MBD5: variants seen among roughly 807,000 people sequenced by gnomAD.
MBD5 encodes methyl-CpG-binding domain protein 5.
A neutral mutation model predicts 117.3 loss-of-function variants in MBD5; 13 were observed. The ratio of observed to expected loss-of-function variants is 0.11; its 90% CI spans 0.07 to 0.18. The LOEUF (loss-of-function observed/expected upper bound fraction) is 0.18, where lower values mean the gene tolerates loss of function less well. MBD5 is among the 10% of genes least tolerant of loss of function. MBD5 has a pLI of 1.00. For synonymous variants in MBD5, 727 were observed against 766.4 expected (o/e 0.95, Z 0.85); for missense variants, 1,879 against 2,093.8 (o/e 0.90, Z 2.00).
intron 1 of MBD5, among the ~76,000 whole-genome samples, chr2:148,123,606 A>G (rs1696819943): frequency 6.6e-6 from 1 of 152,182 alleles, no homozygotes; most frequent in African/African-American, 2.4e-5. Flanking sequence ...TATGTTTAGT[A>G]TGTGATATCT....
chr2:148,511,058 A>C (rs1288763314), intron 13 of MBD5, among the ~76,000 whole-genome samples: 1 of 152,106 alleles, frequency 6.6e-6, no homozygotes, highest in African/African-American at 2.4e-5. Context: ...GCCATTACCC[A>C]CTTGAGTCTG....
At chr2:148,354,350 G>A (rs1425540225) in intron 4 of MBD5, among the ~76,000 whole-genome samples, 1 of 151,960 alleles carries the variant, frequency 6.6e-6, no homozygotes, top group Admixed American at 6.6e-5. Context: ...ACACTTATGA[G>A]TGAGAACATG....
chr2:148,441,214 C>T (rs1706311647), intron 4 of MBD5, among the ~76,000 whole-genome samples: 1 of 152,078 alleles, frequency 6.6e-6, no homozygotes, highest in Non-Finnish European at 1.5e-5. Context: ...ATTAACTCGT[C>T]ATTTAACATT....
intron 1 of MBD5, among the ~76,000 whole-genome samples, chr2:148,089,963 A>G (rs1264688064): frequency 6.6e-6 from 1 of 152,136 alleles, no homozygotes; most frequent in South Asian, 2.1e-4. Context: ...TGAAGAAAAG[A>G]GATGATTCAA....
intron 3 of MBD5, among the ~76,000 whole-genome samples, chr2:148,281,514 A>G (rs903562917): frequency 6.6e-6 from 1 of 151,748 alleles, no homozygotes; most frequent in African/African-American, 2.4e-5. Flanking sequence ...TTCTGTATGA[A>G]TCTTCAACTC....
intron 2 of MBD5, among the ~76,000 whole-genome samples, chr2:148,184,351 C>T (rs1360176439): frequency 1.3e-5 from 2 of 152,092 alleles, no homozygotes; most frequent in Non-Finnish European, 2.9e-5. Context: ...CAGATGTTAG[C>T]ACTGTCAATC....
chr2:148,223,210 T>C (rs992808294), intron 2 of MBD5, among the ~76,000 whole-genome samples: 1 of 152,188 alleles, frequency 6.6e-6, no homozygotes, highest in Non-Finnish European at 1.5e-5. Context: ...TCATCAGAAA[T>C]ACTGGCCTGT....
In MBD5 at chr2:148,039,227, T is replaced by G. The variant is rs1485390725; in HGVS notation, c.-925+17543T>G. On this transcript the variant is annotated intron_variant, in intron 1 of 13. Coordinates refer to ENST00000642680, the MANE Select transcript of MBD5 (RefSeq NM_001378120.1). ...AGGTATCCCATATCATATTTTTGCA[T>G]TCTTTATAGTGGAGGGTACAGTGTC... 2.6e-5 allele frequency among the ~76,000 whole-genome samples: 4 copies of G among 152,246 alleles called. No homozygotes were observed. The East Asian group carries it at 7.7e-4, about 29-fold the overall frequency.
At chr2:148,155,522 T>TCCAATAAAA (rs1426346747) in intron 1 of MBD5, among the ~76,000 whole-genome samples, 21 of 152,238 alleles carry the variant, frequency 1.4e-4, no homozygotes, top group South Asian at 4.1e-4. Context: ...CCTCCACATC[T>TCCAATAAAA]TGTAAGTTAT....
intron 4 of MBD5, among the ~76,000 whole-genome samples, chr2:148,359,744 G>A (rs1372533303): frequency 6.6e-6 from 1 of 152,072 alleles, no homozygotes; most frequent in Admixed American, 6.6e-5. Context: ...TCATTTAAAT[G>A]TGGTTTTTCA....
chr2:148,416,288 C>G (rs1275544846), intron 4 of MBD5, among the ~76,000 whole-genome samples: 1 of 152,162 alleles, frequency 6.6e-6, no homozygotes, highest in East Asian at 1.9e-4. Flanking sequence ...GTACTGGGCC[C>G]CCAGCTTTGT....
chr2:148,421,033 T>A (rs764602766), intron 4 of MBD5, among the ~76,000 whole-genome samples: 37 of 152,268 alleles, frequency 2.4e-4, no homozygotes, highest in East Asian at 2.3e-3. Context: ...CCATGAAAAG[T>A]GGTGCTCTGC....
intron 4 of MBD5, among the ~76,000 whole-genome samples, chr2:148,371,247 A>G (rs1327583391): frequency 6.6e-6 from 1 of 152,148 alleles, no homozygotes; most frequent in Admixed American, 6.6e-5. Context: ...TCTATGAGAA[A>G]ATGGTCATGT....
intron 3 of MBD5, among the ~76,000 whole-genome samples, chr2:148,258,891 C>T (rs1254854342): frequency 6.6e-6 from 1 of 152,186 alleles, no homozygotes; most frequent in African/African-American, 2.4e-5. Context: ...CAGTGGCCTT[C>T]TGCTTCCCTG....
At chr2:148,174,684 T>G (rs1322848612) in intron 1 of MBD5, among the ~76,000 whole-genome samples, 1 of 151,814 alleles carries the variant, frequency 6.6e-6, no homozygotes. Context: ...AAAGTCCAAC[T>G]GATACAAGAA....
At chr2:148,045,585 G>A (rs1027156836) in intron 1 of MBD5, among the ~76,000 whole-genome samples, 1 of 152,076 alleles carries the variant, frequency 6.6e-6, no homozygotes, top group Non-Finnish European at 1.5e-5. Context: ...TTAAATTAAA[G>A]GTTCAGTTTA....
At chr2:148,123,132 A>G (rs1696809015) in intron 1 of MBD5, among the ~76,000 whole-genome samples, 1 of 152,244 alleles carries the variant, frequency 6.6e-6, no homozygotes, top group Admixed American at 6.5e-5. Context: ...GTTTAGTCAC[A>G]TATGTGGGCA....
chr2:148,213,603 T>G (rs1361989236), intron 2 of MBD5, among the ~76,000 whole-genome samples: 1 of 152,168 alleles, frequency 6.6e-6, no homozygotes, highest in Non-Finnish European at 1.5e-5. Flanking sequence ...GATGTTACAT[T>G]TTAGAGTTTT....
intron 1 of MBD5, among the ~76,000 whole-genome samples, chr2:148,077,187 G>T (rs998245141): frequency 6.6e-6 from 1 of 152,142 alleles, no homozygotes; most frequent in African/African-American, 2.4e-5. Flanking sequence ...GAATTGTCTT[G>T]TAAGCTCCAC....
Sources: allele counts gnomAD v4.1 joint callset (sites outside exome capture counted in the v4.1 genomes callset), GRCh38; gene constraint gnomAD v4.1.1; transcripts MANE v1.5; gene names NCBI Gene and HGNC (gene_info 2026-07-23, HGNC 2026-07-21).